The following CTNNAL1 variants were observed in gnomAD, a reference collection of about 807,000 sequenced individuals.
CTNNAL1 encodes alpha-catulin.
Under a neutral mutation model 93.6 loss-of-function variants are expected in CTNNAL1, and 69 were observed. That is an observed-to-expected ratio of 0.74 (90% CI 0.61 to 0.90). CTNNAL1 has a LOEUF of 0.90. CTNNAL1 is among the 40% of genes least tolerant of loss of function. The pLI, the probability that CTNNAL1 is intolerant of heterozygous loss-of-function variation, is 0.00. For missense variants in CTNNAL1, 836 were observed against 862.0 expected (o/e 0.97, Z 0.38); for synonymous variants, 286 against 305.4 (o/e 0.94, Z 0.66).
intron 15 of CTNNAL1, among the ~76,000 whole-genome samples, chr9:108,946,245 G>A (rs1830400620): frequency 6.7e-6 from 1 of 150,034 alleles, no homozygotes; most frequent in African/African-American, 2.4e-5. Context: ...GCTGTAGTGA[G>A]CCGAGATCGT....
At chr9:108,972,900 A>G in intron 8 of CTNNAL1, 67 bp from the exon 9 acceptor site, 1 of 1,450,920 alleles carries the variant, frequency 6.9e-7, no homozygotes, top group Admixed American at 2.6e-5. Flanking sequence ...AAGGAAAGAA[A>G]ACAAACAATA....
chr9:108,981,103 G>T lies in CTNNAL1; in HGVS notation c.901-1622C>A, dbSNP rs953064892. Among the ~76,000 whole-genome samples the T allele has an allele frequency of 4.6e-5, 7 of 152,342 alleles. No homozygotes were observed. The South Asian group carries it at 1.2e-3, about 27-fold the overall frequency. On this transcript the variant is annotated intron_variant, in intron 6 of 18. Coordinates refer to ENST00000325551, the MANE Select transcript of CTNNAL1 (RefSeq NM_003798.4). ...CGAGAGGGCAGCAGCCAGAGCTGTC[G>T]GCAGCAGCCACAGGCAGAGCACTGC...
chr9:108,972,864 G>GGGGGGGGGGGGGGGGCCCCCCCCCCC, intron 8 of CTNNAL1, 31 bp from the exon 9 acceptor site: 4 of 142,540 alleles, frequency 2.8e-5, no homozygotes, highest in Non-Finnish European at 4.0e-5. Context: ...GGGGGGGTGG[G>GGGGGGGGGGGGGGGGCCCCCCCCCCC]AGGGTGGAGA....
At chr9:108,967,248 C>A (rs569142387) in intron 10 of CTNNAL1, among the ~76,000 whole-genome samples, 12 of 152,222 alleles carry the variant, frequency 7.9e-5, no homozygotes, top group Admixed American at 5.9e-4. Context: ...AGATTTGGAA[C>A]TATAAACAAG....
At chr9:108,942,880 A>G in intron 18 of CTNNAL1, 46 bp from the exon 19 acceptor site, 4 of 1,611,242 alleles carry the variant, frequency 2.5e-6, no homozygotes, top group Non-Finnish European at 3.4e-6. Context: ...CTCTGAAAAA[A>G]AAATTACAAA....
rs1254736948 is a variant in CTNNAL1 at position 108,970,443 on chromosome 9, AG to A, written c.1398del (p.Cys467ValfsTer10). On this transcript the variant is annotated frameshift_variant, in exon 10 of 19. Coordinates refer to ENST00000325551, the MANE Select transcript of CTNNAL1 (RefSeq NM_003798.4). LOFTEE classifies it high-confidence loss of function. ...HISGTEPLEI[T>X]CIHAEETFQV... ...TGAAATGTCTCCTCTGCATGTATAC[AG>A]GTTATTTCCAGAGGTTCTGTCCCAG... 1 of 1,612,918 alleles carries A rather than the reference AG, an allele frequency of 6.2e-7. No homozygotes were observed.
intron 7 of CTNNAL1, 70 bp downstream of exon 7, chr9:108,979,211 C>T (rs1389431637): frequency 1.3e-6 from 2 of 1,567,270 alleles, no homozygotes; most frequent in Non-Finnish European, 1.7e-6. Flanking sequence ...TATGTAACTT[C>T]CATATCTTGC....
chr9:108,961,581 G>A (rs892786727), intron 11 of CTNNAL1, among the ~76,000 whole-genome samples: 1 of 152,054 alleles, frequency 6.6e-6, no homozygotes, highest in African/African-American at 2.4e-5. Flanking sequence ...GGGTAATGCT[G>A]ATTTTTTTTA....
chr9:109,007,121 A>G (rs1172004189), intron 1 of CTNNAL1, among the ~76,000 whole-genome samples: 3 of 151,950 alleles, frequency 2.0e-5, no homozygotes, highest in African/African-American at 4.8e-5. Flanking sequence ...TGTAATCCCA[A>G]CTACTTGGGA....
intron 10 of CTNNAL1, among the ~76,000 whole-genome samples, chr9:108,967,165 T>C (rs1233656475): frequency 6.6e-6 from 1 of 152,218 alleles, no homozygotes; most frequent in Non-Finnish European, 1.5e-5. Flanking sequence ...GAAAAAATCA[T>C]GCTAGGTGCT....
intron 15 of CTNNAL1, among the ~76,000 whole-genome samples, 164 bp from the exon 16 acceptor site, chr9:108,944,182 G>A (rs1830330835): frequency 6.6e-6 from 1 of 152,142 alleles, no homozygotes. Context: ...AATGCACAAG[G>A]GTTTAACTGT....
chr9:108,974,181 T>A (rs893668032), intron 8 of CTNNAL1, among the ~76,000 whole-genome samples: 1 of 152,148 alleles, frequency 6.6e-6, no homozygotes, highest in African/African-American at 2.4e-5. Context: ...CCTTAATCCT[T>A]ACAAGAATTC....
intron 4 of CTNNAL1, among the ~76,000 whole-genome samples, chr9:108,984,848 TA>T (rs1198182621): frequency 6.6e-6 from 1 of 152,214 alleles, no homozygotes; most frequent in South Asian, 2.1e-4. Flanking sequence ...AACAGACACT[TA>T]AAAGTCGATT....
chr9:108,965,076 G>T (rs1277905086), intron 11 of CTNNAL1, among the ~76,000 whole-genome samples: 8 of 151,914 alleles, frequency 5.3e-5, no homozygotes, highest in Non-Finnish European at 1.2e-4. Context: ...GCCAGGTTGG[G>T]CTCGAACTCC....
intron 1 of CTNNAL1, among the ~76,000 whole-genome samples, chr9:109,012,212 G>T (rs1181506152): frequency 6.7e-6 from 1 of 150,082 alleles, no homozygotes; most frequent in East Asian, 1.9e-4. Context: ...TATGCGCAGG[G>T]CTGGGCAGGA....
rs2132140976 is a variant in CTNNAL1 at position 108,977,017 on chromosome 9, T to C, written c.1133A>G (p.Glu378Gly). The C allele has an allele frequency of 6.5e-7, 1 of 1,538,858 alleles. No individual in the cohort carries two copies. Among genetic ancestry groups the C allele is most frequent in the South Asian group, 1.3e-5 (1 of 79,974 alleles). Residue 378 changes from glutamate (E) to glycine (G), a missense_variant, in exon 8 of 19, where the codon GAA (glutamate) becomes GGA (glycine). Glu to Gly is a moderately conservative substitution (Grantham distance 98). Coordinates refer to ENST00000325551, the MANE Select transcript of CTNNAL1 (RefSeq NM_003798.4). ...QSKKTKSIAE[E>G]LELSILKISH... Reference sequence around the variant, plus strand: ...GATTTTCAAAATACTGAGTTCCAGTTCTTCAGCGATGCTTTTTGTTTTCTT... The same window carrying C: ...GATTTTCAAAATACTGAGTTCCAGTCCTTCAGCGATGCTTTTTGTTTTCTT...
At chr9:108,977,655 A>G (rs1014806222) in intron 7 of CTNNAL1, among the ~76,000 whole-genome samples, 2 of 152,168 alleles carry the variant, frequency 1.3e-5, no homozygotes, top group Non-Finnish European at 2.9e-5. Flanking sequence ...GTTCACATCT[A>G]TTTTGCACAC....
At chr9:108,986,787 A>C (rs1831622416) in intron 4 of CTNNAL1, among the ~76,000 whole-genome samples, 1 of 152,262 alleles carries the variant, frequency 6.6e-6, no homozygotes, top group Non-Finnish European at 1.5e-5. Context: ...AGTGATGATA[A>C]GCATTTTTTC....
intron 11 of CTNNAL1, among the ~76,000 whole-genome samples, chr9:108,959,558 C>T (rs373198061): frequency 5.3e-5 from 8 of 151,878 alleles, no homozygotes; most frequent in African/African-American, 1.9e-4. Context: ...GCCTGGGTGA[C>T]AAAGTGAGAC....
Sources: gnomAD v4.1 joint callset for allele counts (sites outside exome capture counted in the v4.1 genomes callset) on GRCh38, gnomAD v4.1.1 for gene constraint, MANE v1.5 for transcripts, NCBI Gene and HGNC (gene_info 2026-07-23, HGNC 2026-07-21) for gene names.